Variants in MYLK observed in about 807,000 individuals in gnomAD.
MYLK encodes myosin light chain kinase, also known as myosin light chain kinase, smooth muscle.
MYLK carries 106 observed loss-of-function variants against 203.4 expected under a neutral mutation model. The ratio of observed to expected loss-of-function variants is 0.52; its 90% confidence interval spans 0.45 to 0.61. MYLK has a LOEUF of 0.61. Among genes scored for constraint, MYLK ranks in the 20% least tolerant of loss-of-function variants. MYLK has a pLI of 0.00. For synonymous variants in MYLK, 867 were observed against 959.5 expected, an observed-to-expected ratio of 0.90 and a Z score of 1.78; for missense variants, 2,072 against 2,442.3, an observed-to-expected ratio of 0.85 and a Z score of 3.20.
chr3:123,799,591 G>A (rs528250089), intron 3 of MYLK, among the ~76,000 whole-genome samples: 13 of 152,204 alleles, frequency 8.5e-5, no homozygotes, highest in South Asian at 4.2e-4. Context: ...GCAGTCTACC[G>A]TGAACCCTAC....
At chr3:123,758,034 T>G (rs1023781684) in intron 4 of MYLK, among the ~76,000 whole-genome samples, 1 of 149,628 alleles carries the variant, frequency 6.7e-6, no homozygotes, top group African/African-American at 2.5e-5. Context: ...ACTCAGATAA[T>G]AAATGGACGT....
intron 4 of MYLK, among the ~76,000 whole-genome samples, chr3:123,757,877 T>C (rs2063408526): frequency 6.6e-6 from 1 of 152,164 alleles, no homozygotes; most frequent in South Asian, 2.1e-4. Context: ...TCTTACCCTG[T>C]TACAAGTGTT....
At chr3:123,783,073 GTT>G (rs1161349999) in intron 4 of MYLK, among the ~76,000 whole-genome samples, 1 of 151,824 alleles carries the variant, frequency 6.6e-6, no homozygotes, top group East Asian at 1.9e-4. Context: ...ACATTGATGT[GTT>G]TGTATAATAA....
intron 13 of MYLK, among the ~76,000 whole-genome samples, chr3:123,719,143 C>A (rs2086782): frequency 2.6e-5 from 4 of 152,194 alleles, no homozygotes; most frequent in East Asian, 3.9e-4. Flanking sequence ...ATTGCAAAAT[C>A]TCGGCAAAAG....
At chr3:123,865,959 T>C (rs2032300312) in intron 2 of MYLK, among the ~76,000 whole-genome samples, 1 of 152,160 alleles carries the variant, frequency 6.6e-6, no homozygotes, top group Non-Finnish European at 1.5e-5. Context: ...CCAAGCCACA[T>C]GGAGAGGCCA....
At chr3:123,785,813 G>A (rs558973136) in intron 4 of MYLK, among the ~76,000 whole-genome samples, 4 of 152,190 alleles carry the variant, frequency 2.6e-5, no homozygotes, top group African/African-American at 4.8e-5. Context: ...GTGCTGATGC[G>A]GCTGATGCGG....
At chr3:123,658,594 C>T (rs2059465044) in intron 23 of MYLK, among the ~76,000 whole-genome samples, 1 of 152,172 alleles carries the variant, frequency 6.6e-6, no homozygotes, top group South Asian at 2.1e-4. Context: ...GCTATGTCAA[C>T]CCCAGCAAAT....
Position 123,818,811 on chromosome 3 carries a change from T to C in MYLK, c.-4+12737A>G, listed in dbSNP as rs142659521. The stretch of plus-strand genomic sequence containing the variant: ...CAGCAGCACCTGATAATCTTAGTTG[T>C]GGTGAATTAAATCAACAATTCATGG... On this transcript the variant is annotated intron_variant, in intron 3 of 33. Transcript: ENST00000360304. 3.9e-5 allele frequency among the ~76,000 whole-genome samples: 6 copies of C among 152,366 alleles called. No homozygotes were observed. In the East Asian group the frequency reaches 1.2e-3, roughly 29 times the overall value.
rs1173052746 is a variant in MYLK, at chr3:123,612,027, G to T, written c.*2078C>A. On this transcript the variant is annotated 3_prime_UTR_variant, in exon 34 of 34. Coordinates refer to ENST00000360304, the MANE Select transcript of MYLK (RefSeq NM_053025.4). ...CCTGGTTCCTAACAGGCTACTTACC[G>T]GGGGTTGGGGACACCTGCTCTATAA... The T allele has an allele frequency of 6.6e-6, 1 of 152,392 alleles. No homozygotes were observed. The allele number at this position is 152,392 out of a possible 1,614,324, so 9.4% of individuals were successfully genotyped here.
chr3:123,754,409 G>A (rs1383365891), intron 4 of MYLK, among the ~76,000 whole-genome samples: 2 of 152,144 alleles, frequency 1.3e-5, no homozygotes, highest in African/African-American at 4.8e-5. Flanking sequence ...TACAATGTCT[G>A]GAAACAAAAA....
chr3:123,630,263 A>G lies in MYLK; in HGVS notation c.4962-637T>C, dbSNP rs140569855. 5.4e-3 allele frequency among the ~76,000 whole-genome samples: 827 copies of G among 152,300 alleles called. 8 individuals are homozygous for G. The highest frequency in any genetic ancestry group is 0.019 in the African/African-American group (793 of 41,564). On this transcript the variant is annotated intron_variant, in intron 29 of 33. Coordinates refer to ENST00000360304, the MANE Select transcript of MYLK (RefSeq NM_053025.4). The stretch of plus-strand genomic sequence containing the variant: ...AGAGTGCAGCCTCTCCGCTTGCTGT[A>G]TGGCCTTGGACAATTCCCTGATCTG...
intron 18 of MYLK, among the ~76,000 whole-genome samples, chr3:123,695,942 G>T (rs991276684): frequency 6.6e-6 from 1 of 152,148 alleles, no homozygotes; most frequent in African/African-American, 2.4e-5. Context: ...GAAAAGACTT[G>T]GGGGCAGAGG....
At chr3:123,722,053 A>G in intron 13 of MYLK, 75 bp downstream of exon 13, 4 of 1,536,882 alleles carry the variant, frequency 2.6e-6, no homozygotes, top group South Asian at 1.2e-5. Flanking sequence ...ACCATTTTCT[A>G]CAAATGTGCC....
At chr3:123,665,525 G>T (rs192370195) in intron 22 of MYLK, among the ~76,000 whole-genome samples, 42 of 152,290 alleles carry the variant, frequency 2.8e-4, no homozygotes, top group Non-Finnish European at 5.7e-4. Context: ...GTAACAGAGG[G>T]CTCAGAATAA....
At chr3:123,741,639 T>C (rs2062859111) in intron 5 of MYLK, among the ~76,000 whole-genome samples, 1 of 152,172 alleles carries the variant, frequency 6.6e-6, no homozygotes. Flanking sequence ...GCACCTCCGT[T>C]TCTGTGACTC....
chr3:123,725,731 A>C (rs2062254976), intron 12 of MYLK, among the ~76,000 whole-genome samples: 1 of 152,222 alleles, frequency 6.6e-6, no homozygotes, highest in African/African-American at 2.4e-5. Context: ...CCTGCCATGT[A>C]GATGGAGAAC....
chr3:123,692,280 C>T (rs1339071741), intron 19 of MYLK: 1 of 1,099,454 alleles, frequency 9.1e-7, no homozygotes, highest in Non-Finnish European at 1.1e-6. Context: ...AGCCCCGACT[C>T]ACCTCCTCTA....
At chr3:123,699,815 C>A (rs1208858860) in intron 18 of MYLK, among the ~76,000 whole-genome samples, 3 of 152,230 alleles carry the variant, frequency 2.0e-5, no homozygotes, top group Non-Finnish European at 4.4e-5. Flanking sequence ...GTGCATGTAC[C>A]CAAGGCCCCT....
chr3:123,697,200 T>C (rs1011376441), intron 18 of MYLK, among the ~76,000 whole-genome samples: 1 of 152,210 alleles, frequency 6.6e-6, no homozygotes, highest in Non-Finnish European at 1.5e-5. Flanking sequence ...TGGTGACTGA[T>C]AGATGAAGCC....
Sources: gnomAD v4.1 joint callset for allele counts (sites outside exome capture counted in the v4.1 genomes callset) on GRCh38, gnomAD v4.1.1 for gene constraint, MANE v1.5 for transcripts, NCBI Gene and HGNC (gene_info 2026-07-23, HGNC 2026-07-21) for gene names.